The following TENM2 variants were observed in gnomAD, a reference collection of about 807,000 sequenced individuals.
The protein encoded by TENM2 is teneurin-2.
Under a neutral mutation model 245.2 loss-of-function variants are expected in TENM2, and 52 were observed. The observed-to-expected ratio is 0.21, with a 90% confidence interval of 0.17 to 0.27. The LOEUF (loss-of-function observed/expected upper bound fraction) is 0.27, where lower values mean the gene tolerates loss of function less well. Among genes scored for constraint, TENM2 ranks in the 10% least tolerant of loss-of-function variants. The probability of loss-of-function intolerance (pLI) is 1.00; values close to 1 mark genes in which losing one functional copy is unlikely to be tolerated. For synonymous variants in TENM2, 1,363 were observed against 1,438.9 expected (o/e 0.95, Z 1.19); for missense variants, 3,046 against 3,666.8 (o/e 0.83, Z 4.37).
chr5:167,106,006 T>G, the TENM2 span, among the ~76,000 whole-genome samples: 1 of 149,694 alleles, frequency 6.7e-6, no homozygotes, highest in Non-Finnish European at 1.5e-5. Flanking sequence ...AAAAATGATG[T>G]GAATCGACAG....
chr5:168,203,858 A>G, intron 18 of TENM2, 26 bp downstream of exon 20: 4 of 1,575,246 alleles, frequency 2.5e-6, no homozygotes, highest in Non-Finnish European at 3.5e-6. Context: ...TTCTTTCCCA[A>G]ATACAGCCTT....
rs889069110 is a variant in TENM2, at chr5:167,513,841, TCGAGTTGG to T, written c.502+138373_502+138380del. 6.4e-4 allele frequency among the ~76,000 whole-genome samples: 97 copies of T among 152,318 alleles called. 1 individual carries two copies. The highest frequency in any genetic ancestry group is 2.3e-3 in the African/African-American group (95 of 41,576). ...TGACATCCTATTGTTAGCTGTGCTA[TCGAGTTGG>T]CGAGCAGTCATCATCCTGCTGACTA... On this transcript the variant is annotated intron_variant, in intron 2 of 28. Transcript: ENST00000518659.
chr5:167,945,104 C>T (rs1281558099), intron 3 of TENM2, among the ~76,000 whole-genome samples: 1 of 152,122 alleles, frequency 6.6e-6, no homozygotes, highest in Admixed American at 6.5e-5. Flanking sequence ...AATATAACTC[C>T]CAGGGACATG....
rs140850999 is a variant in TENM2 at position 167,978,043 on chromosome 5, C to A, written c.948-14901C>A. On this transcript the variant is annotated intron_variant, in intron 4 of 28. Coordinates refer to ENST00000518659, the Ensembl canonical transcript of TENM2. ...CTGGTACCTCCTGCTCTCTTTCTAC[C>A]TCTCTTGCCATGTGATGCCAGCTCC... is the stretch of plus-strand genomic sequence containing the variant. 8.7e-4 allele frequency among the ~76,000 whole-genome samples: 133 copies of A among 152,292 alleles called. No individual in the cohort carries two copies. In the East Asian group the frequency reaches 0.022, roughly 26 times the overall value.
At chr5:167,445,369 A>AGTGAGTGAGT (rs1554154173) in intron 2 of TENM2, among the ~76,000 whole-genome samples, 1 of 98,578 alleles carries the variant, frequency 1.0e-5, no homozygotes, top group African/African-American at 5.1e-5. Context: ...AGAGAGAGAG[A>AGTGAGTGAGT]GTGTCAGGTG....
intron 1 of TENM2, chr5:167,296,557 AAAG>A (rs1754960326): frequency 6.6e-6 from 1 of 152,184 alleles, no homozygotes; most frequent in African/African-American, 2.4e-5. Context: ...AAAAAGAAAA[AAAG>A]AAAGAAAGAA....
At chr5:167,739,325 G>C (rs1161850478) in intron 2 of TENM2, among the ~76,000 whole-genome samples, 2 of 152,172 alleles carry the variant, frequency 1.3e-5, no homozygotes, top group Non-Finnish European at 2.9e-5. Context: ...AGCCAAACCA[G>C]AATGGAAATA....
chr5:167,683,933 GGGT>G lies in TENM2; in HGVS notation c.503-192050_503-192048del, dbSNP rs551371928. On this transcript the variant is annotated intron_variant, in intron 2 of 28. Coordinates refer to ENST00000518659, the Ensembl canonical transcript of TENM2. ...TAAAAGGAATGCATCTTAGGTGGCT[GGGT>G]GGCCATTTTGCTTGCCTATGGCTCC... Among the ~76,000 whole-genome samples the G allele has an allele frequency of 3.9e-5, 6 of 152,282 alleles. No individual in the cohort carries two copies. The South Asian group carries it at 1.2e-3, about 32-fold the overall frequency.
Position 167,425,600 on chromosome 5 carries a change from G to T in TENM2, c.502+50127G>T, listed in dbSNP as rs551508268. Among the ~76,000 whole-genome samples, 3 of 152,182 alleles carry T rather than the reference G, an allele frequency of 2.0e-5. 1 individual carries two copies. The South Asian group carries it at 6.2e-4, about 32-fold the overall frequency. ...TTTTCAGTTATCTTCCTGAGAATTTGTGCATTTTATGTAGAAATAAGATAA... is the reference window on the plus strand; with the variant it reads ...TTTTCAGTTATCTTCCTGAGAATTTTTGCATTTTATGTAGAAATAAGATAA... On this transcript the variant is annotated intron_variant, in intron 2 of 28. Transcript: ENST00000518659.
chr5:167,485,153 C>T (rs960362944), intron 2 of TENM2, among the ~76,000 whole-genome samples: 1 of 152,092 alleles, frequency 6.6e-6, no homozygotes, highest in African/African-American at 2.4e-5. Context: ...TTTATAAATC[C>T]TAATGTTGCT....
At chr5:168,019,332 C>G (rs1399424343) in intron 5 of TENM2, among the ~76,000 whole-genome samples, 1 of 152,170 alleles carries the variant, frequency 6.6e-6, no homozygotes, top group African/African-American at 2.4e-5. Flanking sequence ...ATGGAGCCGT[C>G]TGGCAGCCCC....
intron 2 of TENM2, among the ~76,000 whole-genome samples, chr5:167,376,104 T>C (rs1411113248): frequency 6.6e-6 from 1 of 152,202 alleles, no homozygotes; most frequent in Non-Finnish European, 1.5e-5. Context: ...ATCAGCTTTC[T>C]AGGTGGATTT....
chr5:166,988,434 T>G, the TENM2 span, among the ~76,000 whole-genome samples: 1 of 152,240 alleles, frequency 6.6e-6, no homozygotes, highest in Admixed American at 6.5e-5. Context: ...GAATGCAGTC[T>G]TTTTGATGAG....
the TENM2 span, among the ~76,000 whole-genome samples, chr5:167,097,150 T>C: frequency 1.3e-5 from 2 of 152,152 alleles, no homozygotes; most frequent in Non-Finnish European, 2.9e-5. Flanking sequence ...GTGGTGGGTG[T>C]TTGCCGGCGC....
chr5:167,028,207 C>CAATT, the TENM2 span, among the ~76,000 whole-genome samples: 21 of 151,984 alleles, frequency 1.4e-4, no homozygotes, highest in Non-Finnish European at 2.9e-4. Flanking sequence ...TTATGGTGGC[C>CAATT]CAAGAACGTC....
intron 2 of TENM2, among the ~76,000 whole-genome samples, chr5:167,520,946 TTTTG>T (rs1770711950): frequency 6.6e-6 from 1 of 151,298 alleles, no homozygotes. Flanking sequence ...TTTTTTTTTT[TTTTG>T]GTGCCAGGTC....
At chr5:167,507,604 G>C (rs909182431) in intron 2 of TENM2, among the ~76,000 whole-genome samples, 4 of 152,142 alleles carry the variant, frequency 2.6e-5, no homozygotes, top group African/African-American at 9.7e-5. Context: ...TCATGCAAAT[G>C]GTGGCACTAG....
chr5:166,979,374 C>A, the TENM2 span, among the ~76,000 whole-genome samples: 1 of 151,954 alleles, frequency 6.6e-6, no homozygotes, highest in Non-Finnish European at 1.5e-5. Flanking sequence ...TTTTTTTCCC[C>A]TTCTTTCCCT....
chr5:167,464,959 C>T (rs1766549543), intron 2 of TENM2, among the ~76,000 whole-genome samples: 1 of 152,200 alleles, frequency 6.6e-6, no homozygotes, highest in Non-Finnish European at 1.5e-5. Context: ...AACTTATGGT[C>T]CATAACTTTT....
Sources: gnomAD v4.1 joint callset for allele counts (sites outside exome capture counted in the v4.1 genomes callset) on GRCh38, gnomAD v4.1.1 for gene constraint, MANE v1.5 for transcripts, NCBI Gene and HGNC (gene_info 2026-07-23, HGNC 2026-07-21) for gene names.